The following SSBP2 variants were observed in gnomAD, a reference collection of about 807,000 sequenced individuals.
SSBP2 encodes single-stranded DNA-binding protein 2.
SSBP2 carries 17 observed loss-of-function variants against 61.8 expected under a neutral mutation model. That is an observed-to-expected ratio of 0.28 (90% CI 0.19 to 0.41). The LOEUF (loss-of-function observed/expected upper bound fraction) is 0.41, where lower values mean the gene tolerates loss of function less well. SSBP2 is among the 10% of genes least tolerant of loss of function. The probability of loss-of-function intolerance (pLI) is 1.00; values close to 1 mark genes in which losing one functional copy is unlikely to be tolerated. For missense variants in SSBP2, 310 were observed against 458.7 expected (o/e 0.68, Z 2.96); for synonymous variants, 139 against 141.3 (o/e 0.98, Z 0.12).
chr5:81,629,955 G>A (rs754932906), intron 3 of SSBP2, among the ~76,000 whole-genome samples: 18 of 151,984 alleles, frequency 1.2e-4, no homozygotes, highest in Non-Finnish European at 2.2e-4. Context: ...CTTTTAAATT[G>A]TTTATCTTTC....
intron 10 of SSBP2, among the ~76,000 whole-genome samples, chr5:81,453,461 T>C (rs1366203910): frequency 6.7e-6 from 1 of 148,362 alleles, no homozygotes; most frequent in Non-Finnish European, 1.5e-5. Context: ...TTATTCTTTT[T>C]TTTTTTTTTT....
At chr5:81,644,311 T>C (rs1371716496) in intron 2 of SSBP2, among the ~76,000 whole-genome samples, 1 of 152,166 alleles carries the variant, frequency 6.6e-6, no homozygotes, top group Non-Finnish European at 1.5e-5. Flanking sequence ...CAGAAGCCAC[T>C]AGGAATGGTG....
chr5:81,613,036 A>T (rs988546521), intron 4 of SSBP2, among the ~76,000 whole-genome samples: 7 of 152,120 alleles, frequency 4.6e-5, no homozygotes, highest in Admixed American at 3.9e-4. Flanking sequence ...ATGTATTTTT[A>T]AAAATCCAAT....
chr5:81,602,241 T>C (rs1223315016), intron 4 of SSBP2, among the ~76,000 whole-genome samples: 1 of 152,210 alleles, frequency 6.6e-6, no homozygotes, highest in East Asian at 1.9e-4. Context: ...GTGTGTTGTC[T>C]TGGTCCCTCT....
chr5:81,512,207 G>A (rs943055006), intron 5 of SSBP2, among the ~76,000 whole-genome samples: 1 of 152,164 alleles, frequency 6.6e-6, no homozygotes, highest in African/African-American at 2.4e-5. Context: ...CAACTACGAG[G>A]CTTAAAAGAT....
intron 4 of SSBP2, among the ~76,000 whole-genome samples, chr5:81,524,076 C>T (rs931521302): frequency 1.3e-5 from 2 of 152,038 alleles, no homozygotes; most frequent in East Asian, 3.9e-4. Context: ...ACTATTCTTA[C>T]TAACACCTAG....
chr5:81,643,698 G>A (rs1749008990), intron 2 of SSBP2, among the ~76,000 whole-genome samples: 1 of 145,192 alleles, frequency 6.9e-6, no homozygotes, highest in Non-Finnish European at 1.5e-5. Context: ...CACTGCCCAG[G>A]CTCAAGCGAT....
chr5:81,421,892 C>G (rs6872668), intron 16 of SSBP2, among the ~76,000 whole-genome samples: 10,606 of 152,132 alleles, frequency 0.07, 819 homozygotes, highest in African/African-American at 0.19. Context: ...ATTCATGTAT[C>G]CACATGTAGC....
intron 4 of SSBP2, among the ~76,000 whole-genome samples, chr5:81,548,143 G>A (rs1488204694): frequency 6.6e-6 from 1 of 152,182 alleles, no homozygotes; most frequent in Non-Finnish European, 1.5e-5. Context: ...GTCTTGCTTT[G>A]ATATTGATGG....
chr5:81,467,584 C>A (rs867501624), intron 8 of SSBP2, among the ~76,000 whole-genome samples: 1 of 151,988 alleles, frequency 6.6e-6, no homozygotes, highest in Non-Finnish European at 1.5e-5. Context: ...ATTCAAAATA[C>A]GTATGCATGA....
intron 1 of SSBP2, among the ~76,000 whole-genome samples, chr5:81,747,552 T>A (rs777415544): frequency 4.6e-5 from 7 of 152,118 alleles, no homozygotes; most frequent in African/African-American, 7.2e-5. Context: ...ATTTCTGAAA[T>A]ACAACTAAGC....
At chr5:81,655,352 T>C (rs184908218) in intron 1 of SSBP2, among the ~76,000 whole-genome samples, 353 of 152,278 alleles carry the variant, frequency 2.3e-3, no homozygotes, top group Non-Finnish European at 3.4e-3. Context: ...GCTAATGTGA[T>C]CTAAATACAT....
chr5:81,515,942 A>G (rs1768986394), intron 4 of SSBP2, among the ~76,000 whole-genome samples: 1 of 151,944 alleles, frequency 6.6e-6, no homozygotes, highest in African/African-American at 2.4e-5. Flanking sequence ...CTCTTCTTAC[A>G]TATAGTAAAG....
chr5:81,733,473 C>T (rs185553339), intron 1 of SSBP2, among the ~76,000 whole-genome samples: 125 of 151,814 alleles, frequency 8.2e-4, no homozygotes, highest in Non-Finnish European at 1.0e-3. Context: ...GCCACACAGA[C>T]GGAAACTCAT....
chr5:81,655,751 C>T (rs1461054446), intron 1 of SSBP2, among the ~76,000 whole-genome samples: 3 of 152,114 alleles, frequency 2.0e-5, no homozygotes, highest in Non-Finnish European at 4.4e-5. Context: ...ACTCACTGTC[C>T]CTCAACTACA....
chr5:81,739,804 T>C (rs1756885753), intron 1 of SSBP2, among the ~76,000 whole-genome samples: 1 of 152,212 alleles, frequency 6.6e-6, no homozygotes, highest in Non-Finnish European at 1.5e-5. Flanking sequence ...CCCTACTTTC[T>C]TACGCTATTC....
At chr5:81,497,449 T>C (rs985876060) in intron 5 of SSBP2, among the ~76,000 whole-genome samples, 3 of 152,282 alleles carry the variant, frequency 2.0e-5, no homozygotes, top group South Asian at 2.1e-4. Flanking sequence ...GCAAAAGATA[T>C]AATAAAGCTT....
chr5:81,684,566 A>G (rs1343116609), intron 1 of SSBP2, among the ~76,000 whole-genome samples: 1 of 152,092 alleles, frequency 6.6e-6, no homozygotes, highest in Non-Finnish European at 1.5e-5. Context: ...CACGGAGTCA[A>G]AGGAGGTTAT....
chr5:81,665,684 T>C (rs2153753315), intron 1 of SSBP2, among the ~76,000 whole-genome samples: 1 of 152,210 alleles, frequency 6.6e-6, no homozygotes, highest in South Asian at 2.1e-4. Flanking sequence ...TTAGTAGTAG[T>C]AGTAGAGACG....
Sources: gnomAD v4.1 joint callset for allele counts (sites outside exome capture counted in the v4.1 genomes callset) on GRCh38, gnomAD v4.1.1 for gene constraint, MANE v1.5 for transcripts, NCBI Gene and HGNC (gene_info 2026-07-23, HGNC 2026-07-21) for gene names.